TSNARE1: variants seen among roughly 807,000 people sequenced by gnomAD.
TSNARE1 encodes t-SNARE domain containing 1, also known as t-SNARE domain-containing protein 1.
TSNARE1 carries 49 observed loss-of-function variants against 62.0 expected under a neutral mutation model. The ratio of observed to expected loss-of-function variants is 0.79; its 90% CI spans 0.63 to 1.00. TSNARE1 has a LOEUF of 1.00. Ranked by LOEUF, TSNARE1 falls within the 50% of genes least tolerant of loss-of-function variation. The probability of loss-of-function intolerance (pLI) is 0.00; values close to 1 mark genes in which losing one functional copy is unlikely to be tolerated. For missense variants in TSNARE1, 755 were observed against 700.1 expected (o/e 1.08, Z -0.88); for synonymous variants, 328 against 294.4 (o/e 1.11, Z -1.17).
In TSNARE1 at chr8:142,227,428, A is replaced by G. The variant is rs548119850; in HGVS notation, c.*11+2045T>C. 8.8e-4 allele frequency among the ~76,000 whole-genome samples: 60 copies of G among 67,946 alleles called. 1 individual carries two copies. The highest frequency in any genetic ancestry group is 4.1e-3 in the East Asian group (12 of 2,950). The allele number at this position is 67,946 out of a possible 152,430, so 44.6% of individuals were successfully genotyped here. A position where few individuals can be genotyped will look rare whatever the true frequency, so the allele number is the denominator to read the frequency against. ...AGCCAGGAGCCCCAACCTGCCCACA[A>G]CCCCAGTGGCAGCCAGGACCTCCAC... On this transcript the variant is annotated intron_variant, in intron 13 of 13. Coordinates refer to ENST00000524325, the MANE Select transcript of TSNARE1 (RefSeq NM_145003.5).
rs1819468507 is a variant in TSNARE1, at chr8:142,270,903, G to A, written c.1446+3878C>T. The stretch of plus-strand genomic sequence containing the variant: ...CAGGTCACCACCCTCTACAGGCAAT[G>A]GCAAGGACGCGACATCACAGGTAGA... On this transcript the variant is annotated intron_variant, in intron 12 of 13. Transcript: ENST00000524325. 8 of 985,428 alleles carry A rather than the reference G, an allele frequency of 8.1e-6. No homozygotes were observed. In the South Asian group the frequency reaches 1.9e-4, roughly 23 times the overall value. The allele number at this position is 985,428 out of a possible 1,614,324, so 61.0% of individuals were successfully genotyped here.
intron 1 of TSNARE1, among the ~76,000 whole-genome samples, chr8:142,392,437 C>A (rs1299260634): frequency 1.3e-5 from 2 of 152,208 alleles, no homozygotes; most frequent in Non-Finnish European, 2.9e-5. Context: ...ATGTGCTGAA[C>A]TGTTAGATGA....
chr8:142,275,497 G>A, intron 11 of TSNARE1: 1 of 985,424 alleles, frequency 1.0e-6, no homozygotes, highest in Non-Finnish European at 1.2e-6. Flanking sequence ...ACCAGGGCCG[G>A]GGCAGCCCCA....
intron 2 of TSNARE1, among the ~76,000 whole-genome samples, chr8:142,352,483 G>A (rs967350507): frequency 6.6e-6 from 1 of 152,264 alleles, no homozygotes; most frequent in Non-Finnish European, 1.5e-5. Context: ...TACCTGCAGA[G>A]GCCCTGGCCA....
At position 142,327,821 on chromosome 8, in the gene TSNARE1, G is replaced by A. The variant is rs551186221; in HGVS notation, c.893+3080C>T. Among the ~76,000 whole-genome samples, 25 of 152,292 alleles carry A rather than the reference G, an allele frequency of 1.6e-4. No individual in the cohort carries two copies. The East Asian group carries it at 2.9e-3, about 18-fold the overall frequency. On this transcript the variant is annotated intron_variant, in intron 6 of 13. Coordinates refer to ENST00000524325, the MANE Select transcript of TSNARE1 (RefSeq NM_145003.5). ...GTGCTGATTCTGACACGCAAGTCCC[G>A]GGCCAGGAAGGAGAGCACACCTCAC...
In TSNARE1 at chr8:142,279,827, C is replaced by T. The variant is rs187381751; in HGVS notation, c.1363+4586G>A. On this transcript the variant is annotated intron_variant, in intron 11 of 13. Transcript: ENST00000524325. ...CTGCTTGCCCCAGGGCAGTGTGGTCCGGGGGGGCGGGCTGTGGGGAAGGCC... is the reference window on the plus strand; with the variant it reads ...CTGCTTGCCCCAGGGCAGTGTGGTCTGGGGGGGCGGGCTGTGGGGAAGGCC... The T allele has an allele frequency of 1.3e-3, 1,321 of 1,005,600 alleles. 4 individuals are homozygous for T. The highest frequency in any genetic ancestry group is 1.4e-3 in the Non-Finnish European group (1,202 of 834,552). The allele number at this position is 1,005,600 out of a possible 1,614,324, so 62.3% of individuals were successfully genotyped here.
intron 1 of TSNARE1, among the ~76,000 whole-genome samples, chr8:142,371,872 G>C (rs1490614383): frequency 6.6e-6 from 1 of 152,188 alleles, no homozygotes; most frequent in Non-Finnish European, 1.5e-5. Flanking sequence ...CTGGCACACA[G>C]CCACGCCCAT....
chr8:142,400,037 C>G (rs945836817), intron 1 of TSNARE1, among the ~76,000 whole-genome samples: 10 of 149,970 alleles, frequency 6.7e-5, no homozygotes, highest in Non-Finnish European at 1.5e-4. Flanking sequence ...ACACGCCTAT[C>G]TCAAAAAAAA....
chr8:142,403,572 G>C (rs1182548622), upstream of TSNARE1: 1 of 152,342 alleles, frequency 6.6e-6, no homozygotes, highest in Non-Finnish European at 1.5e-5. Flanking sequence ...GGCCAGGGCA[G>C]GGCCGGGCAC....
upstream of TSNARE1, chr8:142,403,567 G>A (rs1838467098): frequency 6.6e-6 from 1 of 152,286 alleles, no homozygotes; most frequent in African/African-American, 2.4e-5. Context: ...GTCTCGGCCA[G>A]GGCAGGGCCG....
chr8:142,218,727 C>A (rs560121403), intron 13 of TSNARE1, among the ~76,000 whole-genome samples: 1 of 152,286 alleles, frequency 6.6e-6, no homozygotes, highest in African/African-American at 2.4e-5. Flanking sequence ...TGGCCCTGAG[C>A]CCTCCCCGCC....
chr8:142,404,765 A>G (rs1838544250), upstream of TSNARE1: 1 of 152,236 alleles, frequency 6.6e-6, no homozygotes, highest in South Asian at 2.1e-4. Context: ...CCTGTCTGAG[A>G]GCTGTCAGTC....
At chr8:142,376,085 A>G (rs1055528811) in intron 1 of TSNARE1, among the ~76,000 whole-genome samples, 2 of 152,240 alleles carry the variant, frequency 1.3e-5, no homozygotes, top group Non-Finnish European at 2.9e-5. Context: ...CAGACTGCAG[A>G]GTCCGCGCCT....
At chr8:142,305,074 CAGGCG>C (rs1826436525) in intron 9 of TSNARE1, among the ~76,000 whole-genome samples, 1 of 152,202 alleles carries the variant, frequency 6.6e-6, no homozygotes, top group Non-Finnish European at 1.5e-5. Context: ...CAAACAGCCA[CAGGCG>C]AGGGGGCTGG....
chr8:142,270,215 C>A, intron 12 of TSNARE1: 6 of 985,250 alleles, frequency 6.1e-6, no homozygotes, highest in Non-Finnish European at 7.2e-6. Flanking sequence ...GTGGCAGCCC[C>A]GCCAAGGGAT....
chr8:142,344,581 G>C, intron 3 of TSNARE1, 109 bp from the exon 4 acceptor site: 3 of 1,196,816 alleles, frequency 2.5e-6, no homozygotes, highest in South Asian at 1.7e-5. Flanking sequence ...TTCAGGACAC[G>C]GCTGCCTGGT....
intron 2 of TSNARE1, among the ~76,000 whole-genome samples, chr8:142,346,768 G>A (rs1833425012): frequency 6.6e-6 from 1 of 152,238 alleles, no homozygotes; most frequent in Non-Finnish European, 1.5e-5. Context: ...CTGCATCCTT[G>A]AGCCAAGCGC....
At chr8:142,278,898 G>T in intron 11 of TSNARE1, 1 of 708,522 alleles carries the variant, frequency 1.4e-6, no homozygotes, top group Non-Finnish European at 1.7e-6. Context: ...TGGGGCCCAG[G>T]CTCCTCCCTG....
intron 9 of TSNARE1, among the ~76,000 whole-genome samples, chr8:142,313,250 CTG>C (rs1245577934): frequency 1.3e-5 from 2 of 150,966 alleles, no homozygotes; most frequent in African/African-American, 2.4e-5. Flanking sequence ...GTCTAGATGT[CTG>C]TGTTTATCTG....
Sources: gnomAD v4.1 joint callset for allele counts (sites outside exome capture counted in the v4.1 genomes callset) on GRCh38, gnomAD v4.1.1 for gene constraint, MANE v1.5 for transcripts, NCBI Gene and HGNC (gene_info 2026-07-23, HGNC 2026-07-21) for gene names.